Variants in RNF144B observed in about 807,000 individuals in gnomAD.
The protein encoded by RNF144B is ring finger protein 144B, also known as E3 ubiquitin-protein ligase RNF144B.
RNF144B carries 25 observed loss-of-function variants against 40.2 expected under a neutral mutation model. The ratio of observed to expected loss-of-function variants is 0.62; its 90% CI spans 0.45 to 0.87. The LOEUF is 0.87. RNF144B is among the 40% of genes least tolerant of loss of function. The pLI, the probability that RNF144B is intolerant of heterozygous loss-of-function variation, is 0.00. For missense variants in RNF144B, 365 were observed against 373.7 expected, an observed-to-expected ratio of 0.98 and a Z score of 0.19; for synonymous variants, 145 against 136.3, an observed-to-expected ratio of 1.06 and a Z score of -0.44.
At chr6:18,439,813 A>C (rs1251358952) in intron 4 of RNF144B, 69 bp downstream of exon 4, 1 of 1,061,844 alleles carries the variant, frequency 9.4e-7, no homozygotes. Context: ...ACTAACCCAC[A>C]TGGAAGATAA....
In RNF144B at chr6:18,394,615, A is replaced by G. The variant is rs1245711623; in HGVS notation, c.-36-4884A>G. Among the ~76,000 whole-genome samples, 610 of 68,858 alleles carry G rather than the reference A, an allele frequency of 8.9e-3. 10 individuals carry two copies. Among genetic ancestry groups the G allele is most frequent in the Admixed American group, 0.057 (507 of 8,886 alleles). The allele number at this position is 68,858 out of a possible 152,430, so 45.2% of individuals were successfully genotyped here. ...TCCGTCCCCTACCCCCCAACCAAGAAAAAAAAAAAAAAGCTTTGAATGTTG... is the reference window on the plus strand; with the variant it reads ...TCCGTCCCCTACCCCCCAACCAAGAGAAAAAAAAAAAAGCTTTGAATGTTG... On this transcript the variant is annotated intron_variant, in intron 1 of 7. Transcript: ENST00000259939.
chr6:18,438,699 T>G (rs989829996), intron 3 of RNF144B, among the ~76,000 whole-genome samples: 3 of 152,134 alleles, frequency 2.0e-5, no homozygotes, highest in Non-Finnish European at 4.4e-5. Context: ...CAGATGTCCT[T>G]TCCTTAGTTG....
At position 18,444,179 on chromosome 6, in the gene RNF144B, A is replaced by G. The variant is rs1759028166; in HGVS notation, c.331+4435A>G. ...AAAATATTTTGAATAGGATTGCACAAAAATCATCCTCCTGCTTACACGAAG... is the reference window on the plus strand; with the variant it reads ...AAAATATTTTGAATAGGATTGCACAGAAATCATCCTCCTGCTTACACGAAG... On this transcript the variant is annotated intron_variant, in intron 4 of 7. Transcript: ENST00000259939. The surrounding 1 kb of genome is among the most constrained non-coding windows in gnomAD (Gnocchi z 4.3). 2.6e-5 allele frequency among the ~76,000 whole-genome samples: 4 copies of G among 152,312 alleles called. No individual in the cohort carries two copies. The South Asian group carries it at 8.3e-4, about 32-fold the overall frequency.
At chr6:18,427,433 G>C (rs1442690121) in intron 2 of RNF144B, 148 bp from the exon 3 acceptor site, 1 of 546,644 alleles carries the variant, frequency 1.8e-6, no homozygotes, top group Non-Finnish European at 3.3e-6. Flanking sequence ...ATGGCTCTTA[G>C]TATTCACACT....
intron 4 of RNF144B, among the ~76,000 whole-genome samples, chr6:18,451,156 G>C (rs1286461986): frequency 6.6e-6 from 1 of 151,962 alleles, no homozygotes; most frequent in Non-Finnish European, 1.5e-5. Context: ...GCATTGCTTG[G>C]TTTCCCTTTT....
Position 18,457,252 on chromosome 6 carries a change from G to T in RNF144B, c.429G>T (p.Val143=). Residue 143 remains valine, a synonymous_variant, in exon 5 of 8, where the codon GTG becomes GTT. Transcript: ENST00000259939. This position sits in a 1 kb window ranked among gnomAD's most constrained non-coding sequence, Gnocchi z 5.1. ...GTGACCCAGGACAGCCTGTGCTGGT[G>T]GAATGCCCTTCTTGCCACCTGAAAT... ...ASSDPGQPVL[V]ECPSCHLKFC... 1 of 1,614,058 alleles carries T rather than the reference G, an allele frequency of 6.2e-7. No homozygotes were observed. The highest frequency in any genetic ancestry group is 1.7e-5 in the Admixed American group (1 of 60,024).
chr6:18,387,616 C>T lies in RNF144B; in HGVS notation c.-51C>T. The T allele has an allele frequency of 1.5e-6, 2 of 1,310,798 alleles. No individual in the cohort carries two copies. Among genetic ancestry groups the T allele is most frequent in the Non-Finnish European group, 1.0e-6 (1 of 1,000,544 alleles). 81.2% of individuals were successfully genotyped at this position (1,310,798 alleles called of 1,614,324 possible). A position where few individuals can be genotyped will look rare whatever the true frequency, so the allele number is the denominator to read the frequency against. On this transcript the variant is annotated 5_prime_UTR_variant, in exon 1 of 8. Coordinates refer to ENST00000259939, the MANE Select transcript of RNF144B (RefSeq NM_182757.4). ...TGAGAAGCCCGGCGACGGAGGAACG[C>T]AGGTCTGCTGCCAGGTAGGTTTAGC... is the stretch of plus-strand genomic sequence containing the variant.
In RNF144B at chr6:18,441,743, A is replaced by C. The variant is rs1054897449; in HGVS notation, c.331+1999A>C. Among the ~76,000 whole-genome samples, 2 of 152,134 alleles carry C rather than the reference A, an allele frequency of 1.3e-5. No individual in the cohort carries two copies. The highest frequency in any genetic ancestry group is 6.6e-5 in the Admixed American group (1 of 15,264). On this transcript the variant is annotated intron_variant, in intron 4 of 7. Coordinates refer to ENST00000259939, the MANE Select transcript of RNF144B (RefSeq NM_182757.4). The surrounding 1 kb of genome is among the most constrained non-coding windows in gnomAD (Gnocchi z 4.9). ...GCTGTGTGACCATGGCAAGGTCCTTAATATTTCTGCATCTCAACTTCCTCA... is the reference window on the plus strand; with the variant it reads ...GCTGTGTGACCATGGCAAGGTCCTTCATATTTCTGCATCTCAACTTCCTCA...
Position 18,400,004 on chromosome 6 carries a change from C to T in RNF144B, c.165+305C>T, listed in dbSNP as rs1794768592. Among the ~76,000 whole-genome samples the T allele has an allele frequency of 6.6e-6, 1 of 152,050 alleles. No individual in the cohort carries two copies. Among genetic ancestry groups the T allele is most frequent in the South Asian group, 2.1e-4 (1 of 4,816 alleles). ...TTTAACATGCTGGCCAGGTGCGTTG[C>T]CTCACACCTGTAATCCCAGCACTTT... On this transcript the variant is annotated intron_variant, in intron 2 of 7. Coordinates refer to ENST00000259939, the MANE Select transcript of RNF144B (RefSeq NM_182757.4). The surrounding 1 kb of genome is among the most constrained non-coding windows in gnomAD (Gnocchi z 5.6).
intron 2 of RNF144B, among the ~76,000 whole-genome samples, chr6:18,411,481 ATATATATATATATATATTTTT>A (rs1166884880): frequency 0.031 from 856 of 27,440 alleles, 7 homozygotes; most frequent in Middle Eastern, 0.075. Flanking sequence ...ATATATATAT[ATATATATATATATATATTTTT>A]TTTTTTTTTT....
chr6:18,427,256 ATT>A (rs66527549), intron 2 of RNF144B, among the ~76,000 whole-genome samples: 18,248 of 150,058 alleles, frequency 0.12, 1,315 homozygotes, highest in Admixed American at 0.19. Flanking sequence ...AGGAACTCAT[ATT>A]TTTTTTTTTA....
In RNF144B at chr6:18,447,473, G is replaced by T. The variant is rs76161788; in HGVS notation, c.331+7729G>T. 6.6e-6 allele frequency among the ~76,000 whole-genome samples: 1 copy of T among 152,146 alleles called. No homozygotes were observed. Among genetic ancestry groups the T allele is most frequent in the Admixed American group, 6.5e-5 (1 of 15,274 alleles). ...GGATGAGAAGCCATTGGAGGGTTTG[G>T]ATCAGGGGAATGTCGTGAAATGATT... On this transcript the variant is annotated intron_variant, in intron 4 of 7. Coordinates refer to ENST00000259939, the MANE Select transcript of RNF144B (RefSeq NM_182757.4). This position sits in a 1 kb window ranked among gnomAD's most constrained non-coding sequence, Gnocchi z 5.6.
chr6:18,453,559 A>G (rs1759262499), intron 4 of RNF144B, among the ~76,000 whole-genome samples: 1 of 152,082 alleles, frequency 6.6e-6, no homozygotes, highest in African/African-American at 2.4e-5. Context: ...ATGAATGTAT[A>G]TTATTTGCTC....
chr6:18,398,014 C>T lies in RNF144B; in HGVS notation c.-36-1485C>T, dbSNP rs990287099. On this transcript the variant is annotated intron_variant, in intron 1 of 7. Coordinates refer to ENST00000259939, the MANE Select transcript of RNF144B (RefSeq NM_182757.4). The surrounding 1 kb of genome is among the most constrained non-coding windows in gnomAD (Gnocchi z 5.0). ...CATACCCTGACTCGGGAGGTGGAGT[C>T]GGGAGGGTCATGTCAGTCCAGGAGT... Among the ~76,000 whole-genome samples the T allele has an allele frequency of 6.0e-4, 91 of 152,102 alleles. No individual in the cohort carries two copies. Among genetic ancestry groups the T allele is most frequent in the African/African-American group, 2.1e-3 (86 of 41,494 alleles).
chr6:18,421,685 T>TA (rs1026171055), intron 2 of RNF144B, among the ~76,000 whole-genome samples: 1 of 152,092 alleles, frequency 6.6e-6, no homozygotes, highest in African/African-American at 2.4e-5. Context: ...TGAATAAACA[T>TA]AAAATGGGGA....
At chr6:18,461,123 G>A (rs1367399237) in intron 6 of RNF144B, among the ~76,000 whole-genome samples, 1 of 152,264 alleles carries the variant, frequency 6.6e-6, no homozygotes, top group East Asian at 1.9e-4. Flanking sequence ...TGGAAAACTA[G>A]ATATGTTGTT....
rs1434901731 is a variant in RNF144B, at chr6:18,450,391, G to A, written c.332-6764G>A. On this transcript the variant is annotated intron_variant, in intron 4 of 7. Coordinates refer to ENST00000259939, the MANE Select transcript of RNF144B (RefSeq NM_182757.4). This position sits in a 1 kb window ranked among gnomAD's most constrained non-coding sequence, Gnocchi z 4.7. Reference sequence around the variant, plus strand: ...CAGCTTACTGCGATCTCCGCCTCCCGGGTTCAAGTGATTCTCCTGCCTCAG... The same window carrying A: ...CAGCTTACTGCGATCTCCGCCTCCCAGGTTCAAGTGATTCTCCTGCCTCAG... Among the ~76,000 whole-genome samples, 6 of 152,028 alleles carry A rather than the reference G, an allele frequency of 3.9e-5. No homozygotes were observed. The East Asian group carries it at 9.7e-4, about 25-fold the overall frequency.
rs1187747647 is a variant in RNF144B, at chr6:18,468,286, T to A, written c.*3219T>A. The A allele has an allele frequency of 6.6e-6, 1 of 152,120 alleles. No homozygotes were observed. Among genetic ancestry groups the A allele is most frequent in the Non-Finnish European group, 1.5e-5 (1 of 68,016 alleles). The allele number at this position is 152,120 out of a possible 1,614,324, so 9.4% of individuals were successfully genotyped here. On this transcript the variant is annotated 3_prime_UTR_variant, in exon 8 of 8. Transcript: ENST00000259939. ...CCATCTAGGAAATTTTTTCTTGTTGTGAGGTAGGGAAGTGAGGAGGAAAGC... is the reference window on the plus strand; with the variant it reads ...CCATCTAGGAAATTTTTTCTTGTTGAGAGGTAGGGAAGTGAGGAGGAAAGC...
intron 4 of RNF144B, among the ~76,000 whole-genome samples, chr6:18,453,655 A>G (rs1359768007): frequency 6.6e-6 from 1 of 152,204 alleles, no homozygotes; most frequent in East Asian, 1.9e-4. Flanking sequence ...AATGTTTTCT[A>G]CAGGATACTG....
Sources: gnomAD v4.1 joint callset for allele counts (sites outside exome capture counted in the v4.1 genomes callset) on GRCh38, gnomAD v4.1.1 for gene constraint, Gnocchi (gnomAD v3.1) non-coding constraint, MANE v1.5 for transcripts, NCBI Gene and HGNC (gene_info 2026-07-23, HGNC 2026-07-21) for gene names.